Variants in PRKCZ observed in about 807,000 individuals in gnomAD.
PRKCZ encodes protein kinase C zeta.
In PRKCZ, 33 loss-of-function variants were observed where a neutral mutation model predicts 79.5. The ratio of observed to expected loss-of-function variants is 0.41; its 90% confidence interval spans 0.31 to 0.55. The LOEUF (loss-of-function observed/expected upper bound fraction) is 0.55. PRKCZ is among the 20% of genes least tolerant of loss of function. The pLI, the probability that PRKCZ is intolerant of heterozygous loss-of-function variation, is 0.19. For missense variants in PRKCZ, 578 were observed against 813.5 expected (o/e 0.71, Z 3.52); for synonymous variants, 342 against 320.9 (o/e 1.07, Z -0.70).
intron 6 of PRKCZ, among the ~76,000 whole-genome samples, chr1:2,145,662 C>T (rs1678346663): frequency 6.6e-6 from 1 of 152,098 alleles, no homozygotes; most frequent in Non-Finnish European, 1.5e-5. Context: ...ACCTGTAATC[C>T]CAACACTTTG....
At chr1:2,110,777 G>A (rs1302680046) in intron 4 of PRKCZ, among the ~76,000 whole-genome samples, 3 of 152,112 alleles carry the variant, frequency 2.0e-5, no homozygotes, top group Non-Finnish European at 4.4e-5. Flanking sequence ...GAAGGGGGCT[G>A]GGGTGGGGCT....
At chr1:2,136,241 G>GC (rs904084823) in intron 5 of PRKCZ, among the ~76,000 whole-genome samples, 2 of 152,178 alleles carry the variant, frequency 1.3e-5, no homozygotes, top group Non-Finnish European at 2.9e-5. Flanking sequence ...GTTCATGTGA[G>GC]CCACTCCTCC....
At position 2,058,589 on chromosome 1, in the gene PRKCZ, T is replaced by A. The variant is rs551484043; in HGVS notation, c.284-952T>A. 1.3e-4 allele frequency among the ~76,000 whole-genome samples: 20 copies of A among 152,232 alleles called. 1 individual carries two copies. In the South Asian group the frequency reaches 3.9e-3, roughly 30 times the overall value. ...GATACAGTGGCTTAAAAATTCACAT[T>A]GTTTTCTAGATAAAAGAAAAATAGG... On this transcript the variant is annotated intron_variant, in intron 3 of 17. Coordinates refer to ENST00000378567, the MANE Select transcript of PRKCZ (RefSeq NM_002744.6).
At chr1:2,048,612 C>G (rs992049511), upstream of PRKCZ, among the ~76,000 whole-genome samples, 8 of 152,062 alleles carry the variant, frequency 5.3e-5, no homozygotes, top group African/African-American at 1.9e-4. Context: ...CTTCGATGAC[C>G]CAGAAAGATG....
At chr1:2,113,456 G>C (rs1285256305) in intron 4 of PRKCZ, among the ~76,000 whole-genome samples, 1 of 152,160 alleles carries the variant, frequency 6.6e-6, no homozygotes, top group Non-Finnish European at 1.5e-5. Flanking sequence ...ACCCAGGGCA[G>C]GTGGAAGCCA....
intron 4 of PRKCZ, among the ~76,000 whole-genome samples, chr1:2,093,606 C>T (rs577718274): frequency 6.6e-6 from 1 of 152,220 alleles, no homozygotes; most frequent in Admixed American, 6.5e-5. Flanking sequence ...CTGGTGCCCT[C>T]CTCAAAGGTG....
At position 2,154,917 on chromosome 1, in the gene PRKCZ, C is replaced by T. The variant is rs192198417; in HGVS notation, c.877-1078C>T. 3.5e-4 allele frequency among the ~76,000 whole-genome samples: 53 copies of T among 152,172 alleles called. 1 individual carries two copies. The highest frequency in any genetic ancestry group is 1.3e-3 in the African/African-American group (53 of 41,446). The stretch of plus-strand genomic sequence containing the variant: ...TGGTGATGGGTGTGGGCTTATCACT[C>T]GGTAGCGCTGGGACCTTGGGGAATC... On this transcript the variant is annotated intron_variant, in intron 9 of 17. Transcript: ENST00000378567.
At chr1:2,080,150 C>T (rs1036790609) in intron 4 of PRKCZ, among the ~76,000 whole-genome samples, 4 of 152,214 alleles carry the variant, frequency 2.6e-5, no homozygotes, top group Non-Finnish European at 4.4e-5. Context: ...CCGGCCTGTC[C>T]TCCTCTTTGC....
intron 5 of PRKCZ, chr1:2,143,400 AAG>A (rs1388095733): frequency 6.6e-6 from 1 of 152,194 alleles, no homozygotes; most frequent in Non-Finnish European, 1.5e-5. Flanking sequence ...AAAATGGTAA[AAG>A]AGGGAAAAGC....
rs775616525 is a variant in PRKCZ at position 2,184,633 on chromosome 1, C to T, written c.1626C>T (p.Asp542=). The T allele has an allele frequency of 2.5e-6, 4 of 1,614,012 alleles. No individual in the cohort carries two copies. In the African/African-American group the frequency reaches 5.3e-5, roughly 22 times the overall value. ...CATTCCAGCCACAGATCACAGACGA[C>T]TACGGTCTGGACAACTTTGACACAC... is the stretch of plus-strand genomic sequence containing the variant. ...LPPFQPQITD[D]YGLDNFDTQF... Residue 542 remains aspartate, a synonymous_variant, in exon 17 of 18, where the codon GAC becomes GAT. Coordinates refer to ENST00000378567, the MANE Select transcript of PRKCZ (RefSeq NM_002744.6).
At chr1:2,089,466 C>T (rs13303198) in intron 4 of PRKCZ, among the ~76,000 whole-genome samples, 30,850 of 152,002 alleles carry the variant, frequency 0.2, 4,217 homozygotes, top group African/African-American at 0.39. Flanking sequence ...CCTGATTGCT[C>T]GAGATGCTGA....
In PRKCZ at chr1:2,096,780, C is replaced by T. The variant is rs574222138; in HGVS notation, c.334+37189C>T. ...TCCTGAGTTTTCCTCTAGCCGAGGT[C>T]AGGGGCAGCCAAGGGAAGGGTCAGC... On this transcript the variant is annotated intron_variant, in intron 4 of 17. Transcript: ENST00000378567. 6.6e-5 allele frequency among the ~76,000 whole-genome samples: 10 copies of T among 152,270 alleles called. No homozygotes were observed. In the East Asian group the frequency reaches 1.9e-3, roughly 30 times the overall value.
intron 4 of PRKCZ, among the ~76,000 whole-genome samples, chr1:2,121,811 CACG>C (rs1262429924): frequency 9.1e-5 from 2 of 21,916 alleles, no homozygotes; most frequent in Non-Finnish European, 8.4e-5. Context: ...TGGTTAGGGT[CACG>C]GTGGTGGTTA....
At chr1:2,107,588 C>A (rs1316314409) in intron 4 of PRKCZ, among the ~76,000 whole-genome samples, 2 of 152,194 alleles carry the variant, frequency 1.3e-5, no homozygotes, top group Non-Finnish European at 2.9e-5. Flanking sequence ...AAAGGCTGAT[C>A]ACCCTCAGAC....
At chr1:2,112,882 G>A (rs905057022) in intron 4 of PRKCZ, among the ~76,000 whole-genome samples, 1 of 152,208 alleles carries the variant, frequency 6.6e-6, no homozygotes, top group Non-Finnish European at 1.5e-5. Context: ...GGTAGAGGCG[G>A]GGTTTCACCG....
chr1:2,138,802 C>T (rs2103060489), intron 5 of PRKCZ, among the ~76,000 whole-genome samples: 1 of 152,186 alleles, frequency 6.6e-6, no homozygotes, highest in South Asian at 2.1e-4. Context: ...GGCGTGGTGG[C>T]ACGTGCCTGT....
intron 5 of PRKCZ, among the ~76,000 whole-genome samples, chr1:2,139,148 G>A (rs543211487): frequency 1.4e-4 from 21 of 152,312 alleles, no homozygotes; most frequent in African/African-American, 4.8e-4. Context: ...AAAGGCTTTT[G>A]GTAAATGCTG....
chr1:2,081,224 G>C (rs1356718163), intron 4 of PRKCZ, among the ~76,000 whole-genome samples: 1 of 152,254 alleles, frequency 6.6e-6, no homozygotes, highest in Non-Finnish European at 1.5e-5. Context: ...TGGACTCGCA[G>C]GTGTCAATTT....
intron 4 of PRKCZ, among the ~76,000 whole-genome samples, chr1:2,089,320 C>A (rs1342159288): frequency 6.6e-6 from 1 of 152,154 alleles, no homozygotes; most frequent in Non-Finnish European, 1.5e-5. Context: ...ATACTCAGAG[C>A]TGGGAAGACT....
Sources: allele counts gnomAD v4.1 joint callset (sites outside exome capture counted in the v4.1 genomes callset), GRCh38; gene constraint gnomAD v4.1.1; transcripts MANE v1.5; gene names NCBI Gene and HGNC (gene_info 2026-07-23, HGNC 2026-07-21).